Variants in FBF1 observed in about 807,000 individuals in gnomAD.
FBF1 encodes Fas binding factor 1.
FBF1 carries 119 observed loss-of-function variants against 147.2 expected under a neutral mutation model. The observed-to-expected ratio is 0.81, with a 90% CI of 0.70 to 0.94. The LOEUF is 0.94. Ranked by LOEUF, FBF1 falls within the 40% of genes least tolerant of loss-of-function variation. FBF1 has a pLI of 0.00. For synonymous variants in FBF1, 601 were observed against 609.0 expected (o/e 0.99, Z 0.19); for missense variants, 1,449 against 1,500.8 (o/e 0.97, Z 0.57).
At chr17:75,914,412 A>G in intron 25 of FBF1, 114 bp from the exon 26 acceptor site, 1 of 1,422,020 alleles carries the variant, frequency 7.0e-7, no homozygotes, top group South Asian at 1.4e-5. Context: ...TGGTGGAGCC[A>G]GGGGCTTCCA....
At chr17:75,924,643 A>T (rs2065549291) in intron 13 of FBF1, among the ~76,000 whole-genome samples, 1 of 151,880 alleles carries the variant, frequency 6.6e-6, no homozygotes, top group Admixed American at 6.6e-5. Flanking sequence ...ACGCCCAGCT[A>T]ATTTTTGTAT....
Position 75,923,396 on chromosome 17 carries a change from G to C in FBF1, c.1214C>G (p.Pro405Arg), listed in dbSNP as rs199538099. Residue 405 changes from proline (P) to arginine (R), a missense_variant, in exon 14 of 30, where the codon CCC becomes CGC. Pro to Arg is a moderately radical substitution (Grantham distance 103). Coordinates refer to ENST00000636174, the MANE Select transcript of FBF1 (RefSeq NM_001319193.2). This position sits in a 1 kb window ranked among gnomAD's most constrained non-coding sequence, Gnocchi z 4.1. ...TTCAGTTGGTGGCTTTGCCCTGGAG[G>C]GGGGCAGCCCAGCTGGCGTGGAGTG... ...SQHSTPAGLP[P>R]SRAKPPTEGA... 1.0e-5 allele frequency: 16 copies of C among 1,607,370 alleles called. No homozygotes were observed. Among genetic ancestry groups the C allele is most frequent in the Middle Eastern group, 1.6e-4 (1 of 6,078 alleles).
Position 75,926,018 on chromosome 17 carries a change from A to G in FBF1, c.868+12T>C, listed in dbSNP as rs1373641970. Reference sequence around the variant, plus strand: ...CCTCCCGTCCTGTTGCGGCCCCCGCAAGCCTCCTTACCCTGTGGCCTCTGG... The same window carrying G: ...CCTCCCGTCCTGTTGCGGCCCCCGCGAGCCTCCTTACCCTGTGGCCTCTGG... On this transcript the variant is annotated intron_variant, in intron 12 of 29. Coordinates refer to ENST00000636174, the MANE Select transcript of FBF1 (RefSeq NM_001319193.2). The G allele has an allele frequency of 6.3e-7, 1 of 1,597,758 alleles. No homozygotes were observed. The highest frequency in any genetic ancestry group is 2.2e-5 in the East Asian group (1 of 44,630).
intron 23 of FBF1, among the ~76,000 whole-genome samples, chr17:75,916,104 G>A (rs1343261175): frequency 6.6e-6 from 1 of 151,360 alleles, no homozygotes; most frequent in African/African-American, 2.4e-5. Flanking sequence ...CAGCTTGTCT[G>A]AGCTCAGGAG....
At chr17:75,911,611 C>T (rs530392528) in intron 29 of FBF1, among the ~76,000 whole-genome samples, 3 of 152,264 alleles carry the variant, frequency 2.0e-5, no homozygotes, top group African/African-American at 7.2e-5. Context: ...CTCGACCTCC[C>T]GGGCTTAAGT....
chr17:75,923,674 G>C lies in FBF1; in HGVS notation c.969-33C>G. The stretch of plus-strand genomic sequence containing the variant: ...ACAGAAAGGAGGGTGTCAGGCAGGG[G>C]AAACAGCCAGTCCCAGTGGCCCCCT... On this transcript the variant is annotated intron_variant, in intron 13 of 29. Transcript: ENST00000636174. This position sits in a 1 kb window ranked among gnomAD's most constrained non-coding sequence, Gnocchi z 4.1. 1.3e-6 allele frequency: 2 copies of C among 1,533,990 alleles called. No individual in the cohort carries two copies. The highest frequency in any genetic ancestry group is 1.8e-6 in the Non-Finnish European group (2 of 1,137,512).
chr17:75,918,805 C>CTT lies in FBF1; in HGVS notation c.2139-538_2139-537dup, dbSNP rs548891338. Among the ~76,000 whole-genome samples, 4 of 131,718 alleles carry CTT rather than the reference C, an allele frequency of 3.0e-5. No homozygotes were observed. Among genetic ancestry groups the CTT allele is most frequent in the Non-Finnish European group, 3.3e-5 (2 of 60,292 alleles). 86.4% of individuals were successfully genotyped at this position (131,718 alleles called of 152,430 possible). On this transcript the variant is annotated intron_variant, in intron 20 of 29. Coordinates refer to ENST00000636174, the MANE Select transcript of FBF1 (RefSeq NM_001319193.2). This position sits in a 1 kb window ranked among gnomAD's most constrained non-coding sequence, Gnocchi z 5.8. The stretch of plus-strand genomic sequence containing the variant: ...CCACGCCCGGCCCCAAGCAGTCTTT[C>CTT]TTTTTTTTTTTTTTTTTCCTAGAGA...
chr17:75,933,476 G>A (rs1162215029), intron 4 of FBF1, among the ~76,000 whole-genome samples: 3 of 152,160 alleles, frequency 2.0e-5, no homozygotes, highest in Non-Finnish European at 4.4e-5. Context: ...GTAGGCTGAG[G>A]CAGGAGAATC....
intron 7 of FBF1, among the ~76,000 whole-genome samples, chr17:75,929,217 T>G (rs1329302632): frequency 1.3e-5 from 2 of 151,956 alleles, no homozygotes; most frequent in Non-Finnish European, 2.9e-5. Context: ...ATGCCTGTAA[T>G]TACAGTATTT....
chr17:75,931,417 G>C, intron 5 of FBF1, 128 bp from the exon 6 acceptor site: 1 of 748,496 alleles, frequency 1.3e-6, no homozygotes, highest in Admixed American at 2.6e-5. Context: ...GGTGCTAAAA[G>C]GAATGTCACA....
rs893661890 is a variant in FBF1, at chr17:75,916,030, A to T, written c.2506-891T>A. Among the ~76,000 whole-genome samples, 257 of 142,056 alleles carry T rather than the reference A, an allele frequency of 1.8e-3. 2 individuals are homozygous for T. The highest frequency in any genetic ancestry group is 6.4e-3 in the African/African-American group (247 of 38,340). 93.2% of individuals were successfully genotyped at this position (142,056 alleles called of 152,430 possible). A position where few individuals can be genotyped will look rare whatever the true frequency, so the allele number is the denominator to read the frequency against. On this transcript the variant is annotated intron_variant, in intron 23 of 29. Coordinates refer to ENST00000636174, the MANE Select transcript of FBF1 (RefSeq NM_001319193.2). ...CTCAAAAAAAAAAAAAAAAAAAAAA[A>T]AGTTTTTGGCTGGGCATGGTGGCTC...
chr17:75,930,687 G>C (rs2065589014), intron 6 of FBF1, among the ~76,000 whole-genome samples: 2 of 152,176 alleles, frequency 1.3e-5, no homozygotes, highest in Admixed American at 1.3e-4. Flanking sequence ...ACTTTGAGAG[G>C]CCGATGTGGG....
intron 4 of FBF1, 71 bp downstream of exon 4, chr17:75,935,560 TG>T: frequency 2.1e-6 from 3 of 1,457,892 alleles, no homozygotes; most frequent in Non-Finnish European, 2.8e-6. Context: ...GGGACCAGCC[TG>T]GGCAACATAG....
At chr17:75,921,449 G>A (rs774022082) in intron 16 of FBF1, 23 bp downstream of exon 16, 141 of 1,603,900 alleles carry the variant, frequency 8.8e-5, no homozygotes, top group Middle Eastern at 8.3e-4. Context: ...ACTCCCAAAT[G>A]AAGCAGCAAA....
At chr17:75,912,395 C>G (rs1224418319) in intron 28 of FBF1, 88 bp from the exon 29 acceptor site, 5 of 990,624 alleles carry the variant, frequency 5.0e-6, no homozygotes, top group Admixed American at 5.7e-5. Context: ...CTGCTCCCCC[C>G]GCCAGTGGGT....
At position 75,925,287 on chromosome 17, in the gene FBF1, C is replaced by CA; in HGVS notation, c.968+59_968+60insT. On this transcript the variant is annotated intron_variant, in intron 13 of 29. Transcript: ENST00000636174. This position sits in a 1 kb window ranked among gnomAD's most constrained non-coding sequence, Gnocchi z 5.0. ...GTGGGACAGGGGACAGCTGCAGGGG[C>CA]CTGTCTTCCCAGTGGCCGACCTGTC... 7.4e-7 allele frequency: 1 copy of CA among 1,342,380 alleles called. No individual in the cohort carries two copies. Among genetic ancestry groups the CA allele is most frequent in the Non-Finnish European group, 1.0e-6 (1 of 956,808 alleles). The allele number at this position is 1,342,380 out of a possible 1,614,324, so 83.2% of individuals were successfully genotyped here. A position where few individuals can be genotyped will look rare whatever the true frequency, so the allele number is the denominator to read the frequency against.
intron 6 of FBF1, 133 bp from the exon 7 acceptor site, chr17:75,930,180 T>G: frequency 1.5e-6 from 1 of 682,626 alleles, no homozygotes; most frequent in Non-Finnish European, 2.6e-6. Context: ...CCAATGGAGC[T>G]TACACAGGAG....
chr17:75,926,096 G>A lies in FBF1; in HGVS notation c.802C>T (p.Leu268=), dbSNP rs763692841. 1 of 1,612,168 alleles carries A rather than the reference G, an allele frequency of 6.2e-7. No individual in the cohort carries two copies. Among genetic ancestry groups the A allele is most frequent in the Non-Finnish European group, 8.5e-7 (1 of 1,179,628 alleles). Residue 268 remains leucine, a synonymous_variant, in exon 12 of 30, where the codon CTG becomes TTG. Coordinates refer to ENST00000636174, the MANE Select transcript of FBF1 (RefSeq NM_001319193.2). ...TGCTCCCCGGTGCCCGGGCGGGCCA[G>A]GAGTTTGGTGGCCATGCCTCGACCC... ...LLGRGMATKL[L]ARPGTGEHRE...
chr17:75,927,613 C>G (rs1215281745), intron 8 of FBF1, 81 bp from the exon 9 acceptor site: 7 of 1,297,352 alleles, frequency 5.4e-6, no homozygotes, highest in Admixed American at 2.0e-5. Flanking sequence ...ACTGGGGCCC[C>G]TGGGATGGGG....
Sources: allele counts gnomAD v4.1 joint callset (sites outside exome capture counted in the v4.1 genomes callset), GRCh38; gene constraint gnomAD v4.1.1; non-coding constraint Gnocchi (gnomAD v3.1); transcripts MANE v1.5; gene names NCBI Gene and HGNC (gene_info 2026-07-23, HGNC 2026-07-21).